BTK: variants seen among roughly 807,000 people sequenced by gnomAD.
BTK encodes the protein Bruton tyrosine kinase.
In BTK, 5 loss-of-function variants were observed where a neutral mutation model predicts 57.4. That is an observed-to-expected ratio of 0.09 (90% CI 0.05 to 0.18). The LOEUF (loss-of-function observed/expected upper bound fraction) is 0.18. BTK is among the 10% of genes least tolerant of loss of function. BTK has a pLI of 1.00. For missense variants in BTK, 194 were observed against 501.2 expected (o/e 0.39, Z 5.85); for synonymous variants, 154 against 174.3 (o/e 0.88, Z 0.92).
chrX:101,373,423 GA>G (rs199933978), intron 3 of BTK, among the ~76,000 whole-genome samples: 1,577 of 111,641 alleles, frequency 0.014, 30 homozygotes, highest in African/African-American at 0.048. Flanking sequence ...CCATAATAGG[GA>G]ATACCATACA....
At chrX:101,358,507 T>C in intron 11 of BTK, 70 bp from the exon 12 acceptor site, 1 of 1,190,979 alleles carries the variant, frequency 8.4e-7, no homozygotes, top group South Asian at 1.8e-5. Context: ...TGAAGTGAGA[T>C]GAGTTTTGAG....
At chrX:101,389,277 A>G (rs186944478), upstream of BTK, among the ~76,000 whole-genome samples, 270 of 111,466 alleles carry the variant, frequency 2.4e-3, no homozygotes, top group African/African-American at 7.2e-3. Context: ...TTAAGTAAAC[A>G]AAAACAAGCA....
At chrX:101,384,344 T>C (rs782509356) in intron 1 of BTK, among the ~76,000 whole-genome samples, 2 of 112,152 alleles carry the variant, frequency 1.8e-5, no homozygotes, top group Non-Finnish European at 3.8e-5. Context: ...ACGCCTGTAA[T>C]CCTAGCACTT....
intron 17 of BTK, 50 bp downstream of exon 17, chrX:101,353,820 G>T: frequency 1.0e-6 from 1 of 1,003,144 alleles, no homozygotes; most frequent in Non-Finnish European, 1.4e-6. Context: ...TTTTCCCATT[G>T]CATTTCTTAT....
chrX:101,377,195 C>T (rs1927242054), intron 1 of BTK, among the ~76,000 whole-genome samples: 1 of 111,103 alleles, frequency 9.0e-6, no homozygotes, highest in African/African-American at 3.3e-5. Context: ...TACAATCAGC[C>T]CTTCCCAACA....
intron 5 of BTK, among the ~76,000 whole-genome samples, chrX:101,368,183 C>G (rs1278979118): frequency 8.9e-6 from 1 of 111,795 alleles, no homozygotes; most frequent in Non-Finnish European, 1.9e-5. Context: ...ATGGTTAATA[C>G]AAAGTTAATA....
chrX:101,363,887 CATTATTATTATTATTATTATTATTATT>C (rs72240121), intron 5 of BTK, among the ~76,000 whole-genome samples: 5 of 81,830 alleles, frequency 6.1e-5, no homozygotes, highest in Admixed American at 4.3e-4. Context: ...GAATCCCGCA[CATTATTATTATTATTATTATTATTATT>C]ATTATTATTA....
chrX:101,365,374 CT>C (rs1232575326), intron 5 of BTK, among the ~76,000 whole-genome samples: 1 of 112,257 alleles, frequency 8.9e-6, no homozygotes, highest in African/African-American at 3.2e-5. Flanking sequence ...TTCCCCACCC[CT>C]AGCACACTCA....
rs782004234 is a variant in BTK, at chrX:101,360,627, A to G, written c.717T>C (p.Asp239=). 1 of 1,211,497 alleles carries G rather than the reference A, an allele frequency of 8.3e-7. No homozygotes were observed. The highest frequency in any genetic ancestry group is 1.8e-5 in the South Asian group (1 of 56,981). The stretch of plus-strand genomic sequence containing the variant: ...TGCTTTCCTCCAAGATAAAATATTC[A>G]TCACCCTTCCGCAGCTGTAGATCAT... ...NANDLQLRKG[D]EYFILEESNL... Residue 239 remains aspartate (D), a synonymous_variant, in exon 8 of 19, where the codon GAT becomes GAC. Coordinates refer to ENST00000308731, the MANE Select transcript of BTK (RefSeq NM_000061.3).
intron 17 of BTK, among the ~76,000 whole-genome samples, chrX:101,353,612 A>G (rs1555977401): frequency 8.9e-6 from 1 of 111,762 alleles, no homozygotes; most frequent in Non-Finnish European, 1.9e-5. Flanking sequence ...CTGGTACATA[A>G]TCAGTATTCA....
upstream of BTK, among the ~76,000 whole-genome samples, chrX:101,389,953 C>T (rs1927731182): frequency 9.0e-6 from 1 of 111,265 alleles, no homozygotes; most frequent in South Asian, 3.7e-4. Context: ...GTAAGTGCGC[C>T]ATAATTTTTT....
At chrX:101,389,888 T>A (rs61647995), upstream of BTK, among the ~76,000 whole-genome samples, 7,367 of 111,735 alleles carry the variant, frequency 0.066, 280 homozygotes, top group African/African-American at 0.14. Context: ...CTGGGGTTGC[T>A]GTCAGGATTA....
intron 3 of BTK, among the ~76,000 whole-genome samples, chrX:101,372,004 C>T (rs1555980396): frequency 8.9e-6 from 1 of 111,931 alleles, no homozygotes; most frequent in African/African-American, 3.2e-5. Context: ...GGTAGCTATG[C>T]TACACCATAC....
intron 14 of BTK, 155 bp downstream of exon 14, chrX:101,356,629 C>A: frequency 1.6e-6 from 1 of 606,934 alleles, no homozygotes; most frequent in Non-Finnish European, 2.7e-6. Context: ...AAACTATTAT[C>A]TTAGCACTTA....
chrX:101,363,708 CA>C (rs1377147835), intron 5 of BTK, among the ~76,000 whole-genome samples: 75 of 47,882 alleles, frequency 1.6e-3, no homozygotes, highest in Admixed American at 1.8e-3. Flanking sequence ...TCTGTCTCAA[CA>C]AAAAAAAAAA....
In BTK at chrX:101,375,289, T is replaced by G. The variant is rs782329370; in HGVS notation, c.-5A>C. The G allele has an allele frequency of 2.5e-6, 3 of 1,210,082 alleles. No individual in the cohort carries two copies. The highest frequency in any genetic ancestry group is 3.5e-5 in the African/African-American group (2 of 57,211). On this transcript the variant is annotated 5_prime_UTR_variant, in exon 2 of 19. Coordinates refer to ENST00000308731, the MANE Select transcript of BTK (RefSeq NM_000061.3). Reference sequence around the variant, plus strand: ...CTCCAGAATCACTGCGGCCATAGCTTCTTCTTTCTGGAGTTCACCTGTGTG... The same window carrying G: ...CTCCAGAATCACTGCGGCCATAGCTGCTTCTTTCTGGAGTTCACCTGTGTG...
At chrX:101,372,549 A>G (rs1927066751) in intron 3 of BTK, among the ~76,000 whole-genome samples, 1 of 109,389 alleles carries the variant, frequency 9.1e-6, no homozygotes, top group South Asian at 4.0e-4. Context: ...CCTGGGTTCA[A>G]GGGAGTCTCC....
intron 10 of BTK, among the ~76,000 whole-genome samples, 189 bp from the exon 11 acceptor site, chrX:101,358,885 C>A (rs782036802): frequency 3.6e-5 from 4 of 111,849 alleles, no homozygotes; most frequent in Non-Finnish European, 7.5e-5. Context: ...TGCCTGTAAT[C>A]CCAGCATTTT....
At chrX:101,374,490 TC>T (rs1927140970) in intron 3 of BTK, 45 bp downstream of exon 3, 4 of 1,064,723 alleles carry the variant, frequency 3.8e-6, no homozygotes, top group Non-Finnish European at 5.3e-6. Flanking sequence ...GTTGCAAATT[TC>T]TTCAAATCTG....
Sources: gnomAD v4.1 joint callset for allele counts (sites outside exome capture counted in the v4.1 genomes callset) on GRCh38, gnomAD v4.1.1 for gene constraint, MANE v1.5 for transcripts, NCBI Gene and HGNC (gene_info 2026-07-23, HGNC 2026-07-21) for gene names.